KALRN: variants seen among roughly 807,000 people sequenced by gnomAD.
The protein encoded by KALRN is kalirin.
A neutral mutation model predicts 353.7 loss-of-function variants in KALRN; 70 were observed. That is an observed-to-expected ratio of 0.20 (90% CI 0.16 to 0.24). The LOEUF (loss-of-function observed/expected upper bound fraction) is 0.24. Among genes scored for constraint, KALRN ranks in the 10% least tolerant of loss-of-function variants. The pLI, the probability that KALRN is intolerant of heterozygous loss-of-function variation, is 1.00. For synonymous variants in KALRN, 1,391 were observed against 1,434.8 expected (o/e 0.97, Z 0.69); for missense variants, 2,791 against 3,756.7 (o/e 0.74, Z 6.72).
intron 1 of KALRN, among the ~76,000 whole-genome samples, chr3:124,209,056 A>G (rs2076676033): frequency 6.6e-6 from 1 of 152,102 alleles, no homozygotes; most frequent in Non-Finnish European, 1.5e-5. Flanking sequence ...AACTCCTTCA[A>G]CAGTCATGGC....
intron 3 of KALRN, among the ~76,000 whole-genome samples, chr3:124,240,200 C>A (rs1314831499): frequency 6.6e-6 from 1 of 152,164 alleles, no homozygotes; most frequent in African/African-American, 2.4e-5. Context: ...ACAGTAGTAA[C>A]TGCAATCGTT....
At chr3:124,631,301 G>A (rs1469791347) in intron 34 of KALRN, among the ~76,000 whole-genome samples, 1 of 152,100 alleles carries the variant, frequency 6.6e-6, no homozygotes, top group Non-Finnish European at 1.5e-5. Flanking sequence ...ATTATCTCCA[G>A]CTCACCAGCA....
intron 1 of KALRN, among the ~76,000 whole-genome samples, chr3:124,194,233 G>T (rs1170897393): frequency 6.6e-6 from 1 of 152,194 alleles, no homozygotes; most frequent in Admixed American, 6.5e-5. Context: ...AAGAGGGAGC[G>T]ATCGATGTGG....
chr3:124,203,116 G>T (rs765076608), intron 1 of KALRN, among the ~76,000 whole-genome samples: 32 of 152,338 alleles, frequency 2.1e-4, no homozygotes, highest in Non-Finnish European at 2.9e-4. Context: ...TTTGAGGATA[G>T]AGAGATCATT....
chr3:124,608,195 C>T (rs956526657), intron 34 of KALRN, among the ~76,000 whole-genome samples: 1 of 151,180 alleles, frequency 6.6e-6, no homozygotes, highest in Non-Finnish European at 1.5e-5. Context: ...TTTGTAGAGA[C>T]AGGGTTTCAC....
At chr3:124,220,586 T>C (rs1160873184) in intron 1 of KALRN, among the ~76,000 whole-genome samples, 2 of 152,178 alleles carry the variant, frequency 1.3e-5, no homozygotes, top group African/African-American at 2.4e-5. Flanking sequence ...CTCTACTAAC[T>C]CCAGTTTGAC....
chr3:124,364,055 A>G (rs543143281), intron 10 of KALRN, among the ~76,000 whole-genome samples: 49 of 152,284 alleles, frequency 3.2e-4, no homozygotes, highest in Non-Finnish European at 4.7e-4. Flanking sequence ...TGCTTCTTAT[A>G]TCTACGTTTT....
intron 25 of KALRN, among the ~76,000 whole-genome samples, chr3:124,467,996 G>A (rs1453285165): frequency 1.3e-5 from 2 of 151,874 alleles, no homozygotes; most frequent in African/African-American, 2.4e-5. Context: ...ATCCATCTGC[G>A]GAAAGAGGCC....
intron 1 of KALRN, among the ~76,000 whole-genome samples, chr3:124,149,383 C>G (rs1406588910): frequency 1.3e-5 from 2 of 152,304 alleles, no homozygotes; most frequent in Middle Eastern, 3.4e-3. Flanking sequence ...CCTGTACCCC[C>G]CAGTGCCTCC....
intron 1 of KALRN, among the ~76,000 whole-genome samples, chr3:124,149,167 G>A (rs999277691): frequency 6.6e-6 from 1 of 152,228 alleles, no homozygotes; most frequent in African/African-American, 2.4e-5. Context: ...ACTATTGGCG[G>A]CATGCAACCC....
chr3:124,489,249 G>A (rs1406537954), intron 29 of KALRN, among the ~76,000 whole-genome samples: 3 of 152,148 alleles, frequency 2.0e-5, no homozygotes, highest in Non-Finnish European at 4.4e-5. Context: ...AGAGGTTGCC[G>A]TGAGCTGAGA....
At position 124,495,973 on chromosome 3, in the gene KALRN, A is replaced by G. The variant is rs1264923139; in HGVS notation, c.4833-338A>G. Among the ~76,000 whole-genome samples, 61 of 22,570 alleles carry G rather than the reference A, an allele frequency of 2.7e-3. 6 individuals carry two copies. Among genetic ancestry groups the G allele is most frequent in the East Asian group, 5.4e-3 (3 of 558 alleles). 14.8% of individuals were successfully genotyped at this position (22,570 alleles called of 152,430 possible). A position where few individuals can be genotyped will look rare whatever the true frequency, so the allele number is the denominator to read the frequency against. On this transcript the variant is annotated intron_variant, in intron 32 of 59. Transcript: ENST00000682506. The stretch of plus-strand genomic sequence containing the variant: ...TGTGTATGTGTATGTATGTATATAT[A>G]TATATATATATATATATATATATAT...
At chr3:124,165,591 T>C (rs1398099791) in intron 1 of KALRN, among the ~76,000 whole-genome samples, 1 of 152,214 alleles carries the variant, frequency 6.6e-6, no homozygotes, top group African/African-American at 2.4e-5. Context: ...GCGTCTTCTG[T>C]TGTAGCCTGG....
At chr3:124,035,444 G>T (rs1236655660) in intron 1 of KALRN, among the ~76,000 whole-genome samples, 1 of 152,084 alleles carries the variant, frequency 6.6e-6, no homozygotes, top group Non-Finnish European at 1.5e-5. Context: ...CCCAACTGGG[G>T]CAAAAGTCTG....
chr3:124,544,471 G>C (rs2069402826), intron 33 of KALRN, among the ~76,000 whole-genome samples: 1 of 152,182 alleles, frequency 6.6e-6, no homozygotes, highest in African/African-American at 2.4e-5. Flanking sequence ...TGAGACAGGA[G>C]AATCACTTGT....
intron 3 of KALRN, among the ~76,000 whole-genome samples, chr3:124,255,191 G>A (rs1175513793): frequency 1.2e-4 from 19 of 152,228 alleles, no homozygotes; most frequent in East Asian, 7.7e-4. Flanking sequence ...TGATCTGCCC[G>A]CCTCAGCCTC....
intron 1 of KALRN, among the ~76,000 whole-genome samples, chr3:124,220,522 A>C (rs2077782236): frequency 6.6e-6 from 1 of 152,006 alleles, no homozygotes; most frequent in Non-Finnish European, 1.5e-5. Context: ...ATAGGAAAGG[A>C]GGGGATGAAA....
At chr3:124,467,075 T>C (rs1388396405) in intron 25 of KALRN, among the ~76,000 whole-genome samples, 2 of 152,198 alleles carry the variant, frequency 1.3e-5, no homozygotes, top group Non-Finnish European at 2.9e-5. Flanking sequence ...GGCTGGAAGC[T>C]ATTAGATTTG....
At chr3:124,569,018 A>G (rs2073201770) in intron 34 of KALRN, among the ~76,000 whole-genome samples, 1 of 152,210 alleles carries the variant, frequency 6.6e-6, no homozygotes, top group Non-Finnish European at 1.5e-5. Flanking sequence ...CTTCTGCCCC[A>G]GGCTCCAATA....
Sources: gnomAD v4.1 joint callset for allele counts (sites outside exome capture counted in the v4.1 genomes callset) on GRCh38, gnomAD v4.1.1 for gene constraint, MANE v1.5 for transcripts, NCBI Gene and HGNC (gene_info 2026-07-23, HGNC 2026-07-21) for gene names.